Variants in NEDD9 observed in about 807,000 individuals in gnomAD.
NEDD9 encodes enhancer of filamentation 1.
In NEDD9, 26 loss-of-function variants were observed where a neutral mutation model predicts 76.6. That is an observed-to-expected ratio of 0.34 (90% confidence interval 0.25 to 0.47). The LOEUF is 0.47. Among genes scored for constraint, NEDD9 ranks in the 20% least tolerant of loss-of-function variants. NEDD9 has a pLI of 1.00. For synonymous variants in NEDD9, 392 were observed against 414.2 expected, an observed-to-expected ratio of 0.95 and a Z score of 0.65; for missense variants, 937 against 1,058.5, an observed-to-expected ratio of 0.89 and a Z score of 1.59.
intron 3 of NEDD9, among the ~76,000 whole-genome samples, chr6:11,262,107 G>A (rs1043846898): frequency 5.9e-5 from 9 of 152,082 alleles, no homozygotes; most frequent in African/African-American, 1.4e-4. Flanking sequence ...ACATGTGCCC[G>A]GACCTGACTT....
chr6:11,232,097 A>T (rs1432622093), intron 1 of NEDD9, among the ~76,000 whole-genome samples: 3 of 152,150 alleles, frequency 2.0e-5, no homozygotes, highest in Non-Finnish European at 4.4e-5. Flanking sequence ...TCTGAGACAG[A>T]CTATGCAGTC....
intron 1 of NEDD9, among the ~76,000 whole-genome samples, chr6:11,220,334 G>A (rs1561794207): frequency 1.3e-5 from 2 of 152,126 alleles, no homozygotes; most frequent in East Asian, 3.8e-4. Context: ...GAATCTTGAC[G>A]TCATTCACTT....
At chr6:11,297,427 T>C (rs1023058245) in intron 3 of NEDD9, among the ~76,000 whole-genome samples, 2 of 152,190 alleles carry the variant, frequency 1.3e-5, no homozygotes, top group Non-Finnish European at 2.9e-5. Flanking sequence ...AGAGTATTTA[T>C]GAGTTTAGCA....
intron 1 of NEDD9, among the ~76,000 whole-genome samples, chr6:11,354,859 C>A (rs528931023): frequency 5.5e-4 from 84 of 152,134 alleles, no homozygotes; most frequent in Non-Finnish European, 1.1e-3. Context: ...CTACTGGGGA[C>A]AAGATGCCGT....
In NEDD9 at chr6:11,280,731, G is replaced by A. The variant is rs559341289; in HGVS notation, c.12+25261C>T. 1.6e-4 allele frequency among the ~76,000 whole-genome samples: 24 copies of A among 152,356 alleles called. No individual in the cohort carries two copies. In the South Asian group the frequency reaches 3.3e-3, roughly 21 times the overall value. ...TCTTGACTCCTGTTGGGGGCCCCAC[G>A]CTTGGAGCCCTCTTCTGCCTCCTAG... On this transcript the variant is annotated intron_variant, in intron 3 of 3. Transcript: ENST00000397378.
chr6:11,197,559 T>C (rs1006294677), intron 2 of NEDD9, among the ~76,000 whole-genome samples: 7 of 152,154 alleles, frequency 4.6e-5, no homozygotes, highest in African/African-American at 1.7e-4. Flanking sequence ...TGAGAAGAGC[T>C]ATGAAGCCGA....
At chr6:11,219,020 G>A (rs1759059359) in intron 1 of NEDD9, among the ~76,000 whole-genome samples, 1 of 152,168 alleles carries the variant, frequency 6.6e-6, no homozygotes, top group African/African-American at 2.4e-5. Flanking sequence ...TTTGGCACTA[G>A]GTGACAGAGC....
intron 3 of NEDD9, among the ~76,000 whole-genome samples, chr6:11,254,038 G>A (rs75350337): frequency 0.029 from 4,474 of 152,188 alleles, 88 homozygotes; most frequent in East Asian, 0.12. Flanking sequence ...TAAACTATGA[G>A]CAACTTTTTA....
chr6:11,281,947 C>T (rs936044317), intron 3 of NEDD9, among the ~76,000 whole-genome samples: 2 of 151,974 alleles, frequency 1.3e-5, no homozygotes, highest in African/African-American at 4.8e-5. Flanking sequence ...CCATATTGGC[C>T]AGGCTTGTCT....
At chr6:11,186,533 C>T (rs182534709) in intron 6 of NEDD9, among the ~76,000 whole-genome samples, 152 of 152,346 alleles carry the variant, frequency 1.0e-3, no homozygotes, top group African/African-American at 3.6e-3. Flanking sequence ...GTTAATCTCC[C>T]ACCTGGACGT....
chr6:11,358,721 T>C (rs1258423128), intron 1 of NEDD9, among the ~76,000 whole-genome samples: 1 of 152,196 alleles, frequency 6.6e-6, no homozygotes, highest in East Asian at 1.9e-4. Context: ...ATCAGGACTT[T>C]TCCCCCTGGT....
Position 11,190,950 on chromosome 6 carries a change from C to A in NEDD9, c.919G>T (p.Gly307Ter). Residue 307 changes from glycine to a stop codon, truncating the protein, a stop_gained, in exon 5 of 7, where the codon GGA becomes TGA. Coordinates refer to ENST00000379446, the MANE Select transcript of NEDD9 (RefSeq NM_006403.4). LOFTEE classifies it high-confidence loss of function. This position sits in a 1 kb window ranked among gnomAD's most constrained non-coding sequence, Gnocchi z 5.8. ...LSPNHPPPQL[G>*]QSVGSQNDAY... Reference sequence around the variant, plus strand: ...TCGTTCTGAGAGCCCACTGACTGTCCGAGTTGCGGGGGTGGGTGATTCGGG... The same window carrying A: ...TCGTTCTGAGAGCCCACTGACTGTCAGAGTTGCGGGGGTGGGTGATTCGGG... 6.2e-7 allele frequency: 1 copy of A among 1,614,018 alleles called. No homozygotes were observed. Among genetic ancestry groups the A allele is most frequent in the Non-Finnish European group, 8.5e-7 (1 of 1,180,020 alleles).
chr6:11,337,560 C>T (rs1442543690), intron 1 of NEDD9, among the ~76,000 whole-genome samples: 3 of 152,166 alleles, frequency 2.0e-5, no homozygotes, highest in Non-Finnish European at 4.4e-5. Flanking sequence ...TGCGGGACCA[C>T]GGTCCTATAT....
At chr6:11,275,567 T>C (rs377725504) in intron 3 of NEDD9, among the ~76,000 whole-genome samples, 141 of 130,992 alleles carry the variant, frequency 1.1e-3, no homozygotes, top group African/African-American at 2.8e-3. Context: ...CACACACACA[T>C]ATATATATAT....
At chr6:11,298,941 T>A (rs1388659958) in intron 3 of NEDD9, among the ~76,000 whole-genome samples, 1 of 152,138 alleles carries the variant, frequency 6.6e-6, no homozygotes, top group Non-Finnish European at 1.5e-5. Flanking sequence ...GATGGGTGAT[T>A]TCTGCATTTC....
At chr6:11,196,359 G>A (rs1302215725) in intron 2 of NEDD9, among the ~76,000 whole-genome samples, 1 of 152,168 alleles carries the variant, frequency 6.6e-6, no homozygotes, top group Admixed American at 6.5e-5. Context: ...TTGGGAGCTA[G>A]AGTGGGTGGC....
chr6:11,238,603 G>A (rs1029912587), intron 3 of NEDD9, among the ~76,000 whole-genome samples: 5 of 152,130 alleles, frequency 3.3e-5, no homozygotes, highest in African/African-American at 1.2e-4. Context: ...GCCCCACTTC[G>A]TGGCTCTGCT....
intron 3 of NEDD9, among the ~76,000 whole-genome samples, chr6:11,298,046 T>C (rs934825213): frequency 2.0e-5 from 3 of 152,036 alleles, no homozygotes; most frequent in African/African-American, 7.2e-5. Context: ...TAGCTGTTAC[T>C]ATAGGTGCGC....
At chr6:11,197,766 T>G (rs1427028247) in intron 2 of NEDD9, among the ~76,000 whole-genome samples, 4 of 152,234 alleles carry the variant, frequency 2.6e-5, no homozygotes, top group African/African-American at 9.6e-5. Context: ...CACACTGTTT[T>G]GAGTCTCAGA....
Sources: gnomAD v4.1 joint callset for allele counts (sites outside exome capture counted in the v4.1 genomes callset) on GRCh38, gnomAD v4.1.1 for gene constraint, Gnocchi (gnomAD v3.1) non-coding constraint, MANE v1.5 for transcripts, NCBI Gene and HGNC (gene_info 2026-07-23, HGNC 2026-07-21) for gene names.